The following ATXN7 variants were observed in gnomAD, a reference collection of about 807,000 sequenced individuals.
ATXN7 encodes the protein ataxin 7, also known as ataxin-7.
In ATXN7, 12 loss-of-function variants were observed where a neutral mutation model predicts 70.5. The observed-to-expected ratio is 0.17, with a 90% CI of 0.11 to 0.28. ATXN7 has a LOEUF of 0.28. ATXN7 is among the 10% of genes least tolerant of loss of function. ATXN7 has a pLI of 1.00. For synonymous variants in ATXN7, 498 were observed against 448.7 expected (o/e 1.11, Z -1.39); for missense variants, 1,256 against 1,131.7 (o/e 1.11, Z -1.58).
At chr3:63,932,235 A>C (rs1449218074) in intron 4 of ATXN7, among the ~76,000 whole-genome samples, 1 of 152,204 alleles carries the variant, frequency 6.6e-6, no homozygotes, top group African/African-American at 2.4e-5. Flanking sequence ...TGTTTTGCTT[A>C]GTGCATTCAC....
At chr3:63,869,843 A>G (rs76280162) in intron 1 of ATXN7, among the ~76,000 whole-genome samples, 1 of 152,330 alleles carries the variant, frequency 6.6e-6, no homozygotes, top group African/African-American at 2.4e-5. Flanking sequence ...TTGTTATGAT[A>G]GGCAGGTATC....
chr3:64,000,792 TC>T lies in ATXN7; in HGVS notation c.*1326del, dbSNP rs780971911. ...TTTTGGAGCCCTCTAGGATATTTTT[TC>T]TAGTACCCCACCCCCCACCCCTAAA... On this transcript the variant is annotated 3_prime_UTR_variant, in exon 13 of 13. Transcript: ENST00000674280. 1 of 147,150 alleles carries T rather than the reference TC, an allele frequency of 6.8e-6. No homozygotes were observed. The highest frequency in any genetic ancestry group is 1.5e-5 in the Non-Finnish European group (1 of 66,696). 9.1% of individuals were successfully genotyped at this position (147,150 alleles called of 1,614,324 possible). A position where few individuals can be genotyped will look rare whatever the true frequency, so the allele number is the denominator to read the frequency against.
At chr3:63,871,848 GGTTT>G (rs1702600826) in intron 1 of ATXN7, among the ~76,000 whole-genome samples, 1 of 148,814 alleles carries the variant, frequency 6.7e-6, no homozygotes, top group Non-Finnish European at 1.5e-5. Flanking sequence ...ATTATAATCT[GGTTT>G]GTTTTTAAAT....
chr3:63,899,355 G>A (rs1299815523), intron 2 of ATXN7, among the ~76,000 whole-genome samples: 3 of 151,822 alleles, frequency 2.0e-5, no homozygotes, highest in South Asian at 2.1e-4. Context: ...AGCCACCAAC[G>A]CCTGGCACAT....
intron 9 of ATXN7, among the ~76,000 whole-genome samples, chr3:63,989,268 C>G (rs2075628088): frequency 6.6e-6 from 1 of 152,192 alleles, no homozygotes; most frequent in Non-Finnish European, 1.5e-5. Context: ...CTTTGGTCAT[C>G]TTCTCATTGA....
chr3:63,872,238 C>T (rs545290710), intron 1 of ATXN7, among the ~76,000 whole-genome samples: 18 of 152,286 alleles, frequency 1.2e-4, no homozygotes, highest in Admixed American at 3.3e-4. Flanking sequence ...AGAAATATTA[C>T]GATAATTCAT....
In ATXN7 at chr3:63,986,537, A is replaced by G. The variant is rs146741572; in HGVS notation, c.1096-1522A>G. 2.6e-4 allele frequency among the ~76,000 whole-genome samples: 40 copies of G among 152,288 alleles called. 2 individuals carry two copies. In the East Asian group the frequency reaches 5.8e-3, roughly 22 times the overall value. On this transcript the variant is annotated intron_variant, in intron 8 of 12. Transcript: ENST00000674280. The stretch of plus-strand genomic sequence containing the variant: ...TATTATATGTTCATTCGTTCTTTCA[A>G]CACACGTTGGAGGGCCATTATTTTT...
intron 1 of ATXN7, among the ~76,000 whole-genome samples, chr3:63,887,100 A>G (rs561106273): frequency 1.3e-5 from 2 of 152,312 alleles, no homozygotes; most frequent in South Asian, 2.1e-4. Context: ...ACAGGAAGGT[A>G]TTTATGAAGT....
Position 63,906,383 on chromosome 3 carries a change from G to A in ATXN7, c.-11-6205G>A, listed in dbSNP as rs78388866. 4.5e-3 allele frequency among the ~76,000 whole-genome samples: 688 copies of A among 152,276 alleles called. 4 individuals carry two copies. The highest frequency in any genetic ancestry group is 0.016 in the African/African-American group (666 of 41,544). ...TTATACTAACACACCTGCATTGTTCGTCCTAGGTTTCACCCCAAAGGCATT... is the reference window on the plus strand; with the variant it reads ...TTATACTAACACACCTGCATTGTTCATCCTAGGTTTCACCCCAAAGGCATT... On this transcript the variant is annotated intron_variant, in intron 2 of 12. Coordinates refer to ENST00000674280, the MANE Select transcript of ATXN7 (RefSeq NM_001377405.1).
In ATXN7 at chr3:63,913,179, C is replaced by A. The variant is rs1262320163; in HGVS notation, c.348C>A (p.Phe116Leu). The A allele has an allele frequency of 5.0e-6, 8 of 1,613,952 alleles. No individual in the cohort carries two copies. The highest frequency in any genetic ancestry group is 6.8e-6 in the Non-Finnish European group (8 of 1,179,988). The stretch of plus-strand genomic sequence containing the variant: ...TAGGGACAGAATTGGACGAAAGTTT[C>A]AAGGAGTTTGGGAAAAACCGCGAAG... ...GKDGTELDES[F>L]KEFGKNREVM... The change falls in exon 4 of 13, where the codon TTC (phenylalanine) becomes TTA (leucine). Residue 116 changes from phenylalanine (F) to leucine (L), a missense_variant. By Grantham distance (22) the Phe-to-Leu change is conservative. Transcript: ENST00000674280.
In ATXN7 at chr3:63,988,172, CTCTCAGCAA is replaced by C; in HGVS notation, c.1210_1218del (p.Ser404_Gln406del). 1 of 1,614,040 alleles carries C rather than the reference CTCTCAGCAA, an allele frequency of 6.2e-7. No individual in the cohort carries two copies. The highest frequency in any genetic ancestry group is 8.5e-7 in the Non-Finnish European group (1 of 1,179,988). On this transcript the variant is annotated inframe_deletion, in exon 9 of 13. Coordinates refer to ENST00000674280, the MANE Select transcript of ATXN7 (RefSeq NM_001377405.1). ...AAAAGGAATTGATTCGCCATCCGGACTCTCAGCAACCACCGCAGCCTCTCAGGGACCCGC... is the reference window on the plus strand; with the variant it reads ...AAAAGGAATTGATTCGCCATCCGGACCCACCGCAGCCTCTCAGGGACCCGC...
Position 63,990,767 on chromosome 3 carries a change from A to G in ATXN7, c.1590A>G (p.Gly530=). The G allele has an allele frequency of 6.2e-7, 1 of 1,614,056 alleles. No homozygotes were observed. The highest frequency in any genetic ancestry group is 8.5e-7 in the Non-Finnish European group (1 of 1,179,976). The change falls in exon 11 of 13, where the codon GGA becomes GGG. Residue 530 remains glycine (G), a synonymous_variant. Coordinates refer to ENST00000674280, the MANE Select transcript of ATXN7 (RefSeq NM_001377405.1). ...SFCTFGSRQI[G]RGYYVFDSRW... ...GCACATTTGGGAGCCGGCAGATAGG[A>G]AGAGGCTATTACGTGTTTGACTCCA...
chr3:63,938,161 A>G (rs1197176913), intron 4 of ATXN7, among the ~76,000 whole-genome samples: 1 of 152,168 alleles, frequency 6.6e-6, no homozygotes, highest in Non-Finnish European at 1.5e-5. Context: ...AGCTTTGAGT[A>G]CCTTGTTCAG....
At position 63,912,719 on chromosome 3, in the gene ATXN7, C is replaced by T. The variant is rs1046517241; in HGVS notation, c.121C>T (p.Pro41Ser). ...GCAGCAGCAGCAGCAGCAGCAGCCGCCGCCTCCGCAGCCCCAGCGGCAGCA... is the reference window on the plus strand; with the variant it reads ...GCAGCAGCAGCAGCAGCAGCAGCCGTCGCCTCCGCAGCCCCAGCGGCAGCA... Reference protein sequence around the residue: ...QQQQQQQQQPPPPQPQRQQHP... With the variant: ...QQQQQQQQQPSPPQPQRQQHP... Residue 41 changes from proline (P) to serine (S), a missense_variant, in exon 3 of 13, where the codon CCG becomes TCG. By Grantham distance (74) the Pro-to-Ser change is moderately conservative. Coordinates refer to ENST00000674280, the MANE Select transcript of ATXN7 (RefSeq NM_001377405.1). The T allele has an allele frequency of 4.9e-6, 6 of 1,230,936 alleles. No individual in the cohort carries two copies. The African/African-American group carries it at 6.4e-5, about 13-fold the overall frequency. The allele number at this position is 1,230,936 out of a possible 1,614,324, so 76.3% of individuals were successfully genotyped here.
chr3:63,951,810 T>G (rs2074958265), intron 4 of ATXN7, among the ~76,000 whole-genome samples: 1 of 152,246 alleles, frequency 6.6e-6, no homozygotes, highest in Admixed American at 6.5e-5. Flanking sequence ...AAATGCTGTT[T>G]GTACTAAAGT....
chr3:63,950,879 C>T (rs923013474), intron 4 of ATXN7, among the ~76,000 whole-genome samples: 1 of 152,132 alleles, frequency 6.6e-6, no homozygotes, highest in South Asian at 2.1e-4. Flanking sequence ...ATGGTCAGCC[C>T]TGACATTCCA....
chr3:63,997,183 G>C (rs1316195280), intron 12 of ATXN7, among the ~76,000 whole-genome samples: 1 of 152,136 alleles, frequency 6.6e-6, no homozygotes, highest in African/African-American at 2.4e-5. Flanking sequence ...GCTTGAACAC[G>C]GGAGGCGGAA....
intron 1 of ATXN7, among the ~76,000 whole-genome samples, chr3:63,888,421 CATCTT>C (rs1466056465): frequency 6.6e-6 from 1 of 152,128 alleles, no homozygotes; most frequent in Non-Finnish European, 1.5e-5. Flanking sequence ...GGTTCTGTGT[CATCTT>C]ATCATGTGTA....
chr3:63,983,934 A>G (rs188990607), intron 8 of ATXN7, among the ~76,000 whole-genome samples: 195 of 152,296 alleles, frequency 1.3e-3, no homozygotes, highest in African/African-American at 4.5e-3. Context: ...GGAAGTAAAA[A>G]TGATAAAAGT....
Sources: allele counts gnomAD v4.1 joint callset (sites outside exome capture counted in the v4.1 genomes callset), GRCh38; gene constraint gnomAD v4.1.1; transcripts MANE v1.5; gene names NCBI Gene and HGNC (gene_info 2026-07-23, HGNC 2026-07-21).